SUPT3H: variants seen among roughly 807,000 people sequenced by gnomAD.
SUPT3H encodes transcription initiation protein SPT3 homolog.
SUPT3H carries 44 observed loss-of-function variants against 44.3 expected under a neutral mutation model. The observed-to-expected ratio is 0.99, with a 90% CI of 0.78 to 1.28. The LOEUF (loss-of-function observed/expected upper bound fraction) is 1.28, where lower values mean the gene tolerates loss of function less well. Among genes scored for constraint, SUPT3H ranks in the 50% most tolerant of loss-of-function variants. SUPT3H has a pLI of 0.00. For missense variants in SUPT3H, 380 were observed against 387.1 expected (o/e 0.98, Z 0.15); for synonymous variants, 124 against 125.6 (o/e 0.99, Z 0.09).
chr6:44,970,065 G>GT lies in SUPT3H; in HGVS notation c.505-8238dup, dbSNP rs958142436. Among the ~76,000 whole-genome samples the GT allele has an allele frequency of 2.2e-4, 34 of 151,950 alleles. 1 individual carries two copies. In the South Asian group the frequency reaches 4.0e-3, roughly 18 times the overall value. On this transcript the variant is annotated intron_variant, in intron 6 of 10. Coordinates refer to ENST00000371459, the MANE Select transcript of SUPT3H (RefSeq NM_003599.4). ...GAGTTGTTTCAAAATATTGAATTCA[G>GT]TTTTTTTTATCTATATCCTATGGGT...
rs138844938 is a variant in SUPT3H at position 45,168,039 on chromosome 6, G to A, written c.102-62033C>T. The stretch of plus-strand genomic sequence containing the variant: ...TTGGTCAGGCTGGTCTCGAACTTCC[G>A]ACCTCAGGTGATCCACCCACCTCGG... On this transcript the variant is annotated intron_variant, in intron 2 of 10. Transcript: ENST00000371459. Among the ~76,000 whole-genome samples, 1,159 of 152,104 alleles carry A rather than the reference G, an allele frequency of 7.6e-3. 12 individuals carry two copies. The highest frequency in any genetic ancestry group is 0.01 in the Middle Eastern group (3 of 294).
At chr6:45,330,522 AACAAC>A (rs755800862) in intron 2 of SUPT3H, among the ~76,000 whole-genome samples, 1 of 152,008 alleles carries the variant, frequency 6.6e-6, no homozygotes, top group Non-Finnish European at 1.5e-5. Context: ...CCAGATCAGG[AACAAC>A]ACAAGTTTCA....
chr6:45,188,692 C>T (rs7740542), intron 2 of SUPT3H, among the ~76,000 whole-genome samples: 129,227 of 152,034 alleles, frequency 0.85, 55,153 homozygotes, highest in African/African-American at 0.89. Context: ...ATCATATAAA[C>T]TGATGCTGAA....
At position 45,029,419 on chromosome 6, in the gene SUPT3H, C is replaced by A. The variant is rs373892976; in HGVS notation, c.187-8787G>T. Among the ~76,000 whole-genome samples the A allele has an allele frequency of 9.9e-4, 149 of 150,444 alleles. 1 individual carries two copies. The highest frequency in any genetic ancestry group is 1.8e-3 in the Non-Finnish European group (122 of 67,686). On this transcript the variant is annotated intron_variant, in intron 3 of 10. Transcript: ENST00000371459. ...TTGCATGTGTATATATATATAATTA[C>A]TCAGTTACAATCAATGTGACCTCTA...
intron 2 of SUPT3H, among the ~76,000 whole-genome samples, chr6:45,273,713 G>C (rs901976218): frequency 6.6e-6 from 1 of 152,074 alleles, no homozygotes; most frequent in African/African-American, 2.4e-5. Flanking sequence ...CCATTCATCA[G>C]GTAACAAATA....
At chr6:44,990,603 A>G (rs2153497186) in intron 6 of SUPT3H, among the ~76,000 whole-genome samples, 1 of 152,172 alleles carries the variant, frequency 6.6e-6, no homozygotes, top group East Asian at 1.9e-4. Flanking sequence ...GGGTGATTGG[A>G]TCATGGGGGC....
intron 2 of SUPT3H, among the ~76,000 whole-genome samples, chr6:45,183,899 A>G (rs1354183456): frequency 6.6e-6 from 1 of 152,202 alleles, no homozygotes; most frequent in Admixed American, 6.5e-5. Flanking sequence ...CAAAAAGATC[A>G]TTGGTTATTA....
intron 7 of SUPT3H, among the ~76,000 whole-genome samples, chr6:44,956,669 C>A (rs1367555582): frequency 1.3e-5 from 2 of 152,072 alleles, no homozygotes; most frequent in East Asian, 3.9e-4. Flanking sequence ...TTCCAAGCAG[C>A]CTTTAAGATA....
At chr6:45,210,773 G>A (rs1763964609) in intron 2 of SUPT3H, among the ~76,000 whole-genome samples, 1 of 152,186 alleles carries the variant, frequency 6.6e-6, no homozygotes, top group Non-Finnish European at 1.5e-5. Flanking sequence ...TAGGGTAAAT[G>A]TAACTTTTAT....
intron 2 of SUPT3H, among the ~76,000 whole-genome samples, chr6:45,334,091 C>G (rs1489179422): frequency 6.6e-6 from 1 of 151,234 alleles, no homozygotes; most frequent in Non-Finnish European, 1.5e-5. Context: ...ACTCTTTTAT[C>G]TCTACTATTC....
intron 3 of SUPT3H, among the ~76,000 whole-genome samples, chr6:45,105,273 C>G (rs774098070): frequency 6.6e-5 from 10 of 151,932 alleles, no homozygotes; most frequent in African/African-American, 2.4e-4. Context: ...TATGAATGAG[C>G]TAAATGTAAA....
At chr6:45,038,669 C>G (rs926082045) in intron 3 of SUPT3H, among the ~76,000 whole-genome samples, 21 of 151,922 alleles carry the variant, frequency 1.4e-4, no homozygotes, top group Admixed American at 2.6e-4. Flanking sequence ...TTCTTTAATT[C>G]TGTAATTTTT....
At chr6:45,322,012 T>C in intron 2 of SUPT3H, 1 of 600,246 alleles carries the variant, frequency 1.7e-6, no homozygotes, top group Non-Finnish European at 2.9e-6. Flanking sequence ...CAAGAAGTTT[T>C]AATATTGTTA....
intron 2 of SUPT3H, among the ~76,000 whole-genome samples, chr6:45,270,407 G>C (rs1192517004): frequency 1.3e-5 from 2 of 152,134 alleles, no homozygotes; most frequent in Non-Finnish European, 2.9e-5. Context: ...CTGAATCATG[G>C]GGGGAGGACT....
intron 3 of SUPT3H, among the ~76,000 whole-genome samples, chr6:45,033,310 A>C (rs1179497472): frequency 6.6e-6 from 1 of 152,088 alleles, no homozygotes; most frequent in Non-Finnish European, 1.5e-5. Context: ...AAAATAAGCA[A>C]GCATGGAGAT....
chr6:45,143,374 T>C (rs1215240836), intron 2 of SUPT3H, among the ~76,000 whole-genome samples: 3 of 152,098 alleles, frequency 2.0e-5, no homozygotes, highest in Admixed American at 6.6e-5. Flanking sequence ...TACAGTGGAA[T>C]AAAACTAGAA....
intron 2 of SUPT3H, among the ~76,000 whole-genome samples, chr6:45,153,982 A>T (rs2153597756): frequency 6.7e-6 from 1 of 149,466 alleles, no homozygotes; most frequent in East Asian, 2.0e-4. Context: ...AGGCAGGAGA[A>T]TCGCTTGAAC....
Position 45,058,923 on chromosome 6 carries a change from G to C in SUPT3H, c.187-38291C>G, listed in dbSNP as rs185707445. On this transcript the variant is annotated intron_variant, in intron 3 of 10. Coordinates refer to ENST00000371459, the MANE Select transcript of SUPT3H (RefSeq NM_003599.4). Reference sequence around the variant, plus strand: ...GCAAGTGTTTTATAAAGCTGTTTTTGATGCTTTAAGTAGGTCTGATCGCTC... The same window carrying C: ...GCAAGTGTTTTATAAAGCTGTTTTTCATGCTTTAAGTAGGTCTGATCGCTC... 8.7e-4 allele frequency among the ~76,000 whole-genome samples: 132 copies of C among 152,164 alleles called. 1 individual carries two copies. The highest frequency in any genetic ancestry group is 4.1e-4 in the Non-Finnish European group (28 of 67,972).
At chr6:45,058,830 G>A (rs1243724341) in intron 3 of SUPT3H, among the ~76,000 whole-genome samples, 1 of 151,980 alleles carries the variant, frequency 6.6e-6, no homozygotes, top group Non-Finnish European at 1.5e-5. Context: ...GGCTTTGAAC[G>A]TTTTCCCTCT....
Sources: gnomAD v4.1 joint callset for allele counts (sites outside exome capture counted in the v4.1 genomes callset) on GRCh38, gnomAD v4.1.1 for gene constraint, MANE v1.5 for transcripts, NCBI Gene and HGNC (gene_info 2026-07-23, HGNC 2026-07-21) for gene names.